SMG8: variants seen among roughly 807,000 people sequenced by gnomAD.
SMG8 encodes the protein SMG8 nonsense mediated mRNA decay factor, also known as nonsense-mediated mRNA decay factor SMG8.
A neutral mutation model predicts 82.1 loss-of-function variants in SMG8; 49 were observed. The observed-to-expected ratio is 0.60, with a 90% confidence interval of 0.47 to 0.76. The LOEUF is 0.76. SMG8 is among the 30% of genes least tolerant of loss of function. The pLI, the probability that SMG8 is intolerant of heterozygous loss-of-function variation, is 0.00. For missense variants in SMG8, 969 were observed against 1,166.4 expected (o/e 0.83, Z 2.46); for synonymous variants, 404 against 430.0 (o/e 0.94, Z 0.75).
chr17:59,214,979 G>A lies in SMG8; in HGVS notation c.2953G>A (p.Val985Ile), dbSNP rs772069320. Residue 985 changes from valine (V) to isoleucine (I), a missense_variant, in exon 4 of 4, where the codon GTT becomes ATT. Physicochemically the swap from Val to Ile is conservative, Grantham distance 29 (BLOSUM62 3). Around this residue, in one of 3 missense-constraint regions of SMG8, gnomAD observed 101 missense variants for 91.1 expected, o/e 1.11. Transcript: ENST00000300917. The part of the protein sequence containing the change: ...QLMSYKVLRG[V>I]LKAVTQ ...AATGAGCTACAAGGTGCTCCGTGGG[G>A]TTCTTAAGGCAGTAACACAATAAGT... is the stretch of plus-strand genomic sequence containing the variant. 1 of 872,840 alleles carries A rather than the reference G, an allele frequency of 1.1e-6. No homozygotes were observed. The highest frequency in any genetic ancestry group is 2.0e-6 in the Non-Finnish European group (1 of 501,660). The allele number at this position is 872,840 out of a possible 1,614,324, so 54.1% of individuals were successfully genotyped here.
rs761945269 is a variant in SMG8, at chr17:59,214,919, G to A, written c.2893G>A (p.Gly965Arg). The A allele has an allele frequency of 4.0e-5, 35 of 872,758 alleles. No homozygotes were observed. In the South Asian group the frequency reaches 4.4e-4, roughly 11 times the overall value. The allele number at this position is 872,758 out of a possible 1,614,324, so 54.1% of individuals were successfully genotyped here. The change falls in exon 4 of 4, where the codon GGA becomes AGA. Residue 965 changes from glycine (G) to arginine (R), a missense_variant. Coordinates refer to ENST00000300917, the MANE Select transcript of SMG8 (RefSeq NM_018149.7). ...TCCTTATGCATATGTGACTGAGAGA[G>A]GACCTTGTTTCCCCCCTAAGGAAAA... ...RFPYAYVTERGPCFPPKENVQ... is the reference protein window; with the variant it reads ...RFPYAYVTERRPCFPPKENVQ...
At position 59,210,993 on chromosome 17, in the gene SMG8, G is replaced by T; in HGVS notation, c.942G>T (p.Lys314Asn). The T allele has an allele frequency of 1.2e-6, 2 of 1,614,230 alleles. No individual in the cohort carries two copies. Among genetic ancestry groups the T allele is most frequent in the Non-Finnish European group, 1.7e-6 (2 of 1,180,054 alleles). ...ACCAGATCTATAGAATCTTCCGGAAGAGTCGTGTCTTGACTAATCAGAGCA... is the reference window on the plus strand; with the variant it reads ...ACCAGATCTATAGAATCTTCCGGAATAGTCGTGTCTTGACTAATCAGAGCA... The part of the protein sequence containing the change: ...LEDQIYRIFR[K>N]SRVLTNQSIN... Residue 314 changes from lysine to asparagine, a missense_variant, in exon 1 of 4, where the codon AAG becomes AAT. Around this residue, in one of 3 missense-constraint regions of SMG8, gnomAD observed 662 missense variants for 884.8 expected, o/e 0.75. Coordinates refer to ENST00000300917, the MANE Select transcript of SMG8 (RefSeq NM_018149.7).
rs923689234 is a variant in SMG8, at chr17:59,211,970, A to G, written c.1759+160A>G. 4.1e-5 allele frequency: 23 copies of G among 565,500 alleles called. No homozygotes were observed. The African/African-American group carries it at 4.1e-4, about 10-fold the overall frequency. 35.0% of individuals were successfully genotyped at this position (565,500 alleles called of 1,614,324 possible). A position where few individuals can be genotyped will look rare whatever the true frequency, so the allele number is the denominator to read the frequency against. Reference sequence around the variant, plus strand: ...GTTTTCTCTCCTGCTGTAAAAGGAAAATATCAGCTATGACTACTTTCTTAT... The same window carrying G: ...GTTTTCTCTCCTGCTGTAAAAGGAAGATATCAGCTATGACTACTTTCTTAT... On this transcript the variant is annotated intron_variant, in intron 1 of 3. Coordinates refer to ENST00000300917, the MANE Select transcript of SMG8 (RefSeq NM_018149.7).
At position 59,212,862 on chromosome 17, in the gene SMG8, A is replaced by G. The variant is rs773434080; in HGVS notation, c.2039A>G (p.Lys680Arg). 1 of 1,614,070 alleles carries G rather than the reference A, an allele frequency of 6.2e-7. No homozygotes were observed. Among genetic ancestry groups the G allele is most frequent in the South Asian group, 1.1e-5 (1 of 91,076 alleles). ...APPDSDADKL[K>R]EKEPQTQGES... is the part of the protein sequence containing the mutation. ...CCAGATTCGGATGCTGATAAACTTA[A>G]AGAAAAAGAACCTCAAACCCAAGGA... The change falls in exon 3 of 4, where the codon AAA (lysine) becomes AGA (arginine). Residue 680 changes from lysine to arginine, a missense_variant. Lys to Arg is a conservative substitution (Grantham distance 26, BLOSUM62 2). This residue lies in a region of SMG8 where 662 missense variants were observed against 884.8 expected (regional missense o/e 0.75). Transcript: ENST00000300917.
At position 59,213,545 on chromosome 17, in the gene SMG8, A is replaced by G. The variant is rs773077219; in HGVS notation, c.2722A>G (p.Met908Val). Residue 908 changes from methionine to valine, a missense_variant, in exon 3 of 4, where the codon ATG becomes GTG. By Grantham distance (21) the Met-to-Val change is conservative (BLOSUM62 1). Transcript: ENST00000300917. ...GCTGAAACCTCATTATGCTCAACTTATGAGGCTTTTTGTTGTGGTTCCTGA... is the reference window on the plus strand; with the variant it reads ...GCTGAAACCTCATTATGCTCAACTTGTGAGGCTTTTTGTTGTGGTTCCTGA... The part of the protein sequence containing the change: ...RGLKPHYAQL[M>V]RLFVVVPDAP... The G allele has an allele frequency of 7.4e-6, 12 of 1,614,120 alleles. No individual in the cohort carries two copies. The South Asian group carries it at 1.2e-4, about 16-fold the overall frequency.
chr17:59,211,836 G>C (rs2046947044), intron 1 of SMG8, 26 bp downstream of exon 1: 1 of 1,496,234 alleles, frequency 6.7e-7, no homozygotes, highest in African/African-American at 1.4e-5. Flanking sequence ...TCAGCATTTT[G>C]AAATAAAAAC....
intron 2 of SMG8, 75 bp downstream of exon 2, chr17:59,212,561 A>G (rs2046950429): frequency 6.5e-7 from 1 of 1,538,848 alleles, no homozygotes; most frequent in Admixed American, 2.0e-5. Flanking sequence ...ACATATTTTC[A>G]ATAGCAGAGT....
Position 59,210,585 on chromosome 17 carries a change from CTCTT to C in SMG8, c.536_539del (p.Ser179TyrfsTer54). 1 of 1,594,900 alleles carries C rather than the reference CTCTT, an allele frequency of 6.3e-7. No individual in the cohort carries two copies. Among genetic ancestry groups the C allele is most frequent in the South Asian group, 1.1e-5 (1 of 87,136 alleles). ...AGAGCGGGGAAGCTGGAGGTGGACT[CTCTT>C]TACCTCATGCAGAAGCACACGAGTT... On this transcript the variant is annotated frameshift_variant, in exon 1 of 4. Coordinates refer to ENST00000300917, the MANE Select transcript of SMG8 (RefSeq NM_018149.7). LOFTEE classifies it high-confidence loss of function.
In SMG8 at chr17:59,210,356, C is replaced by T; in HGVS notation, c.305C>T (p.Ala102Val). 6.2e-7 allele frequency: 1 copy of T among 1,611,350 alleles called. No homozygotes were observed. The highest frequency in any genetic ancestry group is 1.7e-5 in the Admixed American group (1 of 59,338). ...IRTEAGAVGEAGGAEDPGAAA... is the reference protein window; with the variant it reads ...IRTEAGAVGEVGGAEDPGAAA... ...ACTGAGGCTGGCGCCGTGGGTGAGG[C>T]CGGTGGAGCCGAGGACCCTGGGGCT... is the stretch of plus-strand genomic sequence containing the variant. The change falls in exon 1 of 4, where the codon GCC (alanine) becomes GTC (valine). Residue 102 changes from alanine (A) to valine (V), a missense_variant. Ala to Val is a moderately conservative substitution (Grantham distance 64). Coordinates refer to ENST00000300917, the MANE Select transcript of SMG8 (RefSeq NM_018149.7).
rs1246828481 is a variant in SMG8 at position 59,212,407 on chromosome 17, G to A, written c.1826G>A (p.Gly609Asp). The change falls in exon 2 of 4, where the codon GGT (glycine) becomes GAT (aspartate). Residue 609 changes from glycine (G) to aspartate (D), a missense_variant. Gly to Asp is a moderately conservative substitution (Grantham distance 94, BLOSUM62 -1). Transcript: ENST00000300917. ...CACAATAGCCGAGCTCGATCTACTG[G>A]TGCTTGCAACTGTGGAAGGAAACAA... is the stretch of plus-strand genomic sequence containing the variant. The part of the protein sequence containing the change: ...LYHNSRARST[G>D]ACNCGRKQAP... The A allele has an allele frequency of 1.9e-6, 3 of 1,609,220 alleles. No homozygotes were observed. In the South Asian group the frequency reaches 3.3e-5, roughly 18 times the overall value.
rs1214381357 is a variant in SMG8 at position 59,210,179 on chromosome 17, G to C, written c.128G>C (p.Arg43Pro). The change falls in exon 1 of 4, where the codon CGG becomes CCG. Residue 43 changes from arginine (R) to proline (P), a missense_variant. Physicochemically the swap from Arg to Pro is moderately radical, Grantham distance 103 (BLOSUM62 -2). Transcript: ENST00000300917. ...GCTGGCGGACCGGAGCCTCCATGGC[G>C]GGAGGATGAGATCTGCGTTGTGGGA... ...SAAGGPEPPW[R>P]EDEICVVGIF... is the part of the protein sequence containing the mutation. 1 of 1,594,120 alleles carries C rather than the reference G, an allele frequency of 6.3e-7. No individual in the cohort carries two copies. The highest frequency in any genetic ancestry group is 8.5e-7 in the Non-Finnish European group (1 of 1,170,346).
chr17:59,210,811 T>C lies in SMG8; in HGVS notation c.760T>C (p.Trp254Arg). The change falls in exon 1 of 4, where the codon TGG (tryptophan) becomes CGG (arginine). Residue 254 changes from tryptophan (W) to arginine (R), a missense_variant. Coordinates refer to ENST00000300917, the MANE Select transcript of SMG8 (RefSeq NM_018149.7). ...AIKDCPVGKD[W>R]KLNCRPCPPR... ...TAAGGATTGTCCAGTTGGCAAAGAC[T>C]GGAAGCTAAACTGCCGACCTTGCCC... is the stretch of plus-strand genomic sequence containing the variant. 1 of 1,614,184 alleles carries C rather than the reference T, an allele frequency of 6.2e-7. No homozygotes were observed. The highest frequency in any genetic ancestry group is 8.5e-7 in the Non-Finnish European group (1 of 1,180,048).
Position 59,212,955 on chromosome 17 carries a change from C to G in SMG8, c.2132C>G (p.Ala711Gly). ...QSTDSLGTYP[A>G]DPQAGGDNPE... ...ACAGATAGCTTAGGTACCTATCCAGCTGATCCACAAGCAGGAGGAGATAAT... is the reference window on the plus strand; with the variant it reads ...ACAGATAGCTTAGGTACCTATCCAGGTGATCCACAAGCAGGAGGAGATAAT... Residue 711 changes from alanine (A) to glycine (G), a missense_variant, in exon 3 of 4, where the codon GCT (alanine) becomes GGT (glycine). Transcript: ENST00000300917. The G allele has an allele frequency of 6.2e-7, 1 of 1,614,152 alleles. No homozygotes were observed. The highest frequency in any genetic ancestry group is 1.3e-5 in the African/African-American group (1 of 75,022).
At position 59,211,249 on chromosome 17, in the gene SMG8, A is replaced by G. The variant is rs1242245867; in HGVS notation, c.1198A>G (p.Ser400Gly). ...CTTTCACATTGACAGCAGCAGTTCC[A>G]GTTCTTCAGGCCAGCTAGTGGATTT... ...LSFHIDSSSS[S>G]SSGQLVDFTL... is the part of the protein sequence containing the mutation. Residue 400 changes from serine (S) to glycine (G), a missense_variant, in exon 1 of 4, where the codon AGT (serine) becomes GGT (glycine). Around this residue, in one of 3 missense-constraint regions of SMG8, gnomAD observed 662 missense variants for 884.8 expected, o/e 0.75. Coordinates refer to ENST00000300917, the MANE Select transcript of SMG8 (RefSeq NM_018149.7). The G allele has an allele frequency of 6.2e-7, 1 of 1,614,226 alleles. No homozygotes were observed. Among genetic ancestry groups the G allele is most frequent in the East Asian group, 2.2e-5 (1 of 44,892 alleles).
chr17:59,214,967 G>A lies in SMG8; in HGVS notation c.2941G>A (p.Val981Met), dbSNP rs2046961205. Residue 981 changes from valine (V) to methionine (M), a missense_variant, in exon 4 of 4, where the codon GTG becomes ATG. This residue lies in a region of SMG8 where 101 missense variants were observed against 91.1 expected (regional missense o/e 1.11). Transcript: ENST00000300917. Reference protein sequence around the residue: ...KENVQLMSYKVLRGVLKAVTQ With the variant: ...KENVQLMSYKMLRGVLKAVTQ ...AAATGTGCAGTTAATGAGCTACAAGGTGCTCCGTGGGGTTCTTAAGGCAGT... is the reference window on the plus strand; with the variant it reads ...AAATGTGCAGTTAATGAGCTACAAGATGCTCCGTGGGGTTCTTAAGGCAGT... 1.1e-6 allele frequency: 1 copy of A among 872,834 alleles called. No homozygotes were observed. Among genetic ancestry groups the A allele is most frequent in the Non-Finnish European group, 2.0e-6 (1 of 501,664 alleles). The allele number at this position is 872,834 out of a possible 1,614,324, so 54.1% of individuals were successfully genotyped here.
At chr17:59,214,661 C>G (rs2046959667) in intron 3 of SMG8, 144 bp from the exon 4 acceptor site, 4 of 605,388 alleles carry the variant, frequency 6.6e-6, no homozygotes, top group South Asian at 4.0e-5. Flanking sequence ...CCTGCCTCAG[C>G]CTCCCAAAGT....
Position 59,210,762 on chromosome 17 carries a change from C to T in SMG8, c.711C>T (p.Val237=), listed in dbSNP as rs773057713. The T allele has an allele frequency of 9.9e-6, 16 of 1,614,144 alleles. No homozygotes were observed. Among genetic ancestry groups the T allele is most frequent in the Non-Finnish European group, 1.4e-5 (16 of 1,180,010 alleles). Residue 237 remains valine (V), a synonymous_variant, in exon 1 of 4, where the codon GTC becomes GTT. Coordinates refer to ENST00000300917, the MANE Select transcript of SMG8 (RefSeq NM_018149.7). ...CCCTGGATGGGCTGAGACAGAAGGT[C>T]CTGCCGCTCCTTAAAACAGCCATTA... ...FRALDGLRQK[V]LPLLKTAIKD... is the part of the protein sequence containing the mutation.
Position 59,211,097 on chromosome 17 carries a change from G to C in SMG8, c.1046G>C (p.Gly349Ala), listed in dbSNP as rs780673937. The C allele has an allele frequency of 2.5e-6, 4 of 1,614,238 alleles. No homozygotes were observed. The highest frequency in any genetic ancestry group is 1.7e-5 in the Admixed American group (1 of 60,028). The change falls in exon 1 of 4, where the codon GGT (glycine) becomes GCT (alanine). Residue 349 changes from glycine (G) to alanine (A), a missense_variant. Transcript: ENST00000300917. ...VPGSQEEDPV[G>A]MLLDQLRSHC... ...GGAAGCCAGGAGGAGGACCCAGTAG[G>C]TATGTTGCTGGACCAACTTAGGAGT...
At chr17:59,214,020 C>T (rs1003214605) in intron 3 of SMG8, among the ~76,000 whole-genome samples, 11 of 151,936 alleles carry the variant, frequency 7.2e-5, no homozygotes, top group African/African-American at 2.7e-4. Context: ...CAGTGAGTCA[C>T]GCCTGTATTT....
Sources: gnomAD v4.1 joint callset for allele counts (sites outside exome capture counted in the v4.1 genomes callset) on GRCh38, gnomAD v4.1.1 for gene constraint, gnomAD v4.1.1 regional missense constraint, MANE v1.5 for transcripts, NCBI Gene and HGNC (gene_info 2026-07-23, HGNC 2026-07-21) for gene names.